The following COL22A1 variants were observed in gnomAD, a reference collection of about 807,000 sequenced individuals.
The protein encoded by COL22A1 is collagen alpha-1(XXII) chain.
Under a neutral mutation model 248.9 loss-of-function variants are expected in COL22A1, and 221 were observed. That is an observed-to-expected ratio of 0.89 (90% CI 0.80 to 0.99). COL22A1 has a LOEUF of 0.99. Ranked by LOEUF, COL22A1 falls within the 50% of genes least tolerant of loss-of-function variation. The pLI is 0.00. For synonymous variants in COL22A1, 891 were observed against 793.4 expected (o/e 1.12, Z -2.07); for missense variants, 2,240 against 2,179.0 (o/e 1.03, Z -0.56).
intron 34 of COL22A1, 97 bp from the exon 35 acceptor site, chr8:138,693,796 A>G (rs1263792157): frequency 7.6e-7 from 1 of 1,320,636 alleles, no homozygotes; most frequent in Non-Finnish European, 1.1e-6. Flanking sequence ...TGCTCATCAG[A>G]AGCATTATTC....
At chr8:138,778,766 G>A (rs543000517) in intron 14 of COL22A1, among the ~76,000 whole-genome samples, 1 of 152,302 alleles carries the variant, frequency 6.6e-6, no homozygotes, top group African/African-American at 2.4e-5. Context: ...GTCTGGATAT[G>A]TTCATAGCTT....
At chr8:138,742,203 T>A (rs544992289) in intron 22 of COL22A1, among the ~76,000 whole-genome samples, 12 of 151,332 alleles carry the variant, frequency 7.9e-5, no homozygotes, top group Admixed American at 7.9e-4. Context: ...GTAATAGTGA[T>A]CGTGATGGTG....
chr8:138,679,331 C>T (rs1825790725), intron 40 of COL22A1, among the ~76,000 whole-genome samples: 1 of 152,186 alleles, frequency 6.6e-6, no homozygotes, highest in Non-Finnish European at 1.5e-5. Flanking sequence ...GAAACTGTCC[C>T]TTTCCTGTCC....
At chr8:138,716,094 T>A (rs964512069) in intron 29 of COL22A1, 133 bp downstream of exon 29, 1 of 711,272 alleles carries the variant, frequency 1.4e-6, no homozygotes, top group Non-Finnish European at 2.4e-6. Context: ...GTCCCTTCCA[T>A]CAACACTGAG....
chr8:138,616,786 T>TGCTGGTGTGCTCCAC, intron 54 of COL22A1, 128 bp downstream of exon 54: 1 of 1,032,820 alleles, frequency 9.7e-7, no homozygotes, highest in Non-Finnish European at 1.5e-6. Context: ...GCTTGCTCCA[T>TGCTGGTGTGCTCCAC]GCTGGTGTGC....
In COL22A1 at chr8:138,861,790, A is replaced by C. The variant is rs551936875; in HGVS notation, c.658+15960T>G. ...TAAAGCAGTACTCCTCTCTTGGTCAAACTGCTCCAATGGGTGGAAGGGGAT... is the reference window on the plus strand; with the variant it reads ...TAAAGCAGTACTCCTCTCTTGGTCACACTGCTCCAATGGGTGGAAGGGGAT... On this transcript the variant is annotated intron_variant, in intron 3 of 64. Transcript: ENST00000303045. Among the ~76,000 whole-genome samples the C allele has an allele frequency of 1.2e-4, 19 of 152,354 alleles. No homozygotes were observed. The South Asian group carries it at 3.9e-3, about 32-fold the overall frequency.
chr8:138,711,669 C>T (rs1828977500), intron 30 of COL22A1, among the ~76,000 whole-genome samples: 1 of 152,130 alleles, frequency 6.6e-6, no homozygotes. Context: ...GCCTCCAGCC[C>T]CAGAGAAGGA....
At chr8:138,756,104 T>C (rs985649363) in intron 18 of COL22A1, among the ~76,000 whole-genome samples, 3 of 152,214 alleles carry the variant, frequency 2.0e-5, no homozygotes, top group African/African-American at 7.2e-5. Context: ...ATTTGGGTCA[T>C]GTTCCATGAA....
At chr8:138,771,779 T>A (rs577844636) in intron 16 of COL22A1, among the ~76,000 whole-genome samples, 2 of 152,200 alleles carry the variant, frequency 1.3e-5, no homozygotes, top group Non-Finnish European at 2.9e-5. Context: ...ATTTCCATCC[T>A]GCAAGTGAGA....
chr8:138,722,711 C>G lies in COL22A1; in HGVS notation c.2248-622G>C, dbSNP rs148349977. Among the ~76,000 whole-genome samples, 219 of 152,254 alleles carry G rather than the reference C, an allele frequency of 1.4e-3. 2 individuals carry two copies. In the East Asian group the frequency reaches 0.025, roughly 17 times the overall value. ...GACGAAGGCTCTGCAGGCTGAGTGA[C>G]TCACTCAAGGTCACAGAGCTGGTGA... On this transcript the variant is annotated intron_variant, in intron 25 of 64. Transcript: ENST00000303045.
At chr8:138,615,079 A>G (rs142333558) in intron 55 of COL22A1, among the ~76,000 whole-genome samples, 2 of 152,168 alleles carry the variant, frequency 1.3e-5, no homozygotes, top group Admixed American at 6.5e-5. Context: ...ACCCTGCAGG[A>G]CGCCACATGC....
intron 56 of COL22A1, among the ~76,000 whole-genome samples, chr8:138,608,692 G>T (rs1006134673): frequency 6.6e-6 from 1 of 152,146 alleles, no homozygotes; most frequent in African/African-American, 2.4e-5. Flanking sequence ...AATGTTCTTG[G>T]CTACTCCCTT....
chr8:138,787,812 T>C lies in COL22A1; in HGVS notation c.1597-6832A>G, dbSNP rs180855137. On this transcript the variant is annotated intron_variant, in intron 12 of 64. Coordinates refer to ENST00000303045, the MANE Select transcript of COL22A1 (RefSeq NM_152888.3). ...CAAACTCACTTCCTCCATGATCTCATTTGGAGGCATATGGGGAGGGGGGCA... is the reference window on the plus strand; with the variant it reads ...CAAACTCACTTCCTCCATGATCTCACTTGGAGGCATATGGGGAGGGGGGCA... Among the ~76,000 whole-genome samples, 11 of 152,228 alleles carry C rather than the reference T, an allele frequency of 7.2e-5. No homozygotes were observed. The East Asian group carries it at 2.1e-3, about 29-fold the overall frequency.
chr8:138,796,438 A>G (rs908387943), intron 12 of COL22A1, among the ~76,000 whole-genome samples: 3 of 27,490 alleles, frequency 1.1e-4, no homozygotes, highest in African/African-American at 4.1e-4. Flanking sequence ...CATTTTTACT[A>G]TGATGTTTGT....
In COL22A1 at chr8:138,780,927, T is replaced by C. The variant is rs575650476; in HGVS notation, c.1650A>G (p.Arg550=). ...PPGRDGSKGM[R]GEPGELGEPG... is the part of the protein sequence containing the mutation. ...CCAGGGCAGACGGAACAGAACTTAC[T>C]CTCATGCCTTTGCTGCCGTCTCTCC... The change falls in exon 13 of 65, where the codon AGA becomes AGG. Residue 550 remains arginine (R), a splice_region_variant and synonymous_variant. Coordinates refer to ENST00000303045, the MANE Select transcript of COL22A1 (RefSeq NM_152888.3). The C allele has an allele frequency of 6.8e-6, 11 of 1,613,308 alleles. No individual in the cohort carries two copies. The African/African-American group carries it at 1.3e-4, about 20-fold the overall frequency.
At chr8:138,852,739 G>C (rs565571651) in intron 3 of COL22A1, among the ~76,000 whole-genome samples, 2 of 152,254 alleles carry the variant, frequency 1.3e-5, no homozygotes, top group African/African-American at 4.8e-5. Flanking sequence ...AGAAGGGGTG[G>C]CCAGTGAGGT....
At chr8:138,836,790 T>C (rs979234125) in intron 4 of COL22A1, among the ~76,000 whole-genome samples, 1 of 152,254 alleles carries the variant, frequency 6.6e-6, no homozygotes, top group Non-Finnish European at 1.5e-5. Flanking sequence ...CTGCATTTTT[T>C]ACATAACAGT....
At chr8:138,641,131 C>T (rs146704260) in intron 47 of COL22A1, among the ~76,000 whole-genome samples, 473 of 152,284 alleles carry the variant, frequency 3.1e-3, no homozygotes, top group African/African-American at 0.01. Context: ...CTTTCAGAAC[C>T]GTGGCAGTTA....
chr8:138,675,264 A>T (rs551747512), intron 41 of COL22A1, among the ~76,000 whole-genome samples: 164 of 152,318 alleles, frequency 1.1e-3, no homozygotes, highest in African/African-American at 3.7e-3. Context: ...ACTACTCTGG[A>T]TGTAAGAGAA....
Sources: gnomAD v4.1 joint callset for allele counts (sites outside exome capture counted in the v4.1 genomes callset) on GRCh38, gnomAD v4.1.1 for gene constraint, MANE v1.5 for transcripts, NCBI Gene and HGNC (gene_info 2026-07-23, HGNC 2026-07-21) for gene names.